Variants in CACNA1D observed in about 807,000 individuals in gnomAD.
CACNA1D encodes the protein voltage-dependent L-type calcium channel subunit alpha-1D.
Under a neutral mutation model 257.1 loss-of-function variants are expected in CACNA1D, and 55 were observed. The observed-to-expected ratio is 0.21, with a 90% CI of 0.17 to 0.27. The LOEUF is 0.27. Ranked by LOEUF, CACNA1D falls within the 10% of genes least tolerant of loss-of-function variation. CACNA1D has a pLI of 1.00. For missense variants in CACNA1D, 1,876 were observed against 2,784.0 expected, an observed-to-expected ratio of 0.67 and a Z score of 7.34; for synonymous variants, 980 against 1,014.9, an observed-to-expected ratio of 0.97 and a Z score of 0.65.
intron 40 of CACNA1D, among the ~76,000 whole-genome samples, chr3:53,799,034 A>G (rs2095522331): frequency 6.6e-6 from 1 of 152,118 alleles, no homozygotes; most frequent in Non-Finnish European, 1.5e-5. Flanking sequence ...TTCCTTTGCA[A>G]ACCACCCTGA....
At chr3:53,742,953 C>A in intron 21 of CACNA1D, 58 bp from the exon 22 acceptor site, 1 of 1,086,820 alleles carries the variant, frequency 9.2e-7, no homozygotes, top group Non-Finnish European at 1.4e-6. Flanking sequence ...GCAAAGAGCC[C>A]AGGTTTCTTT....
At chr3:53,505,115 G>A (rs142189310) in intron 3 of CACNA1D, among the ~76,000 whole-genome samples, 2 of 97,620 alleles carry the variant, frequency 2.0e-5, no homozygotes, top group African/African-American at 8.3e-5. Context: ...TTGTTTATTT[G>A]TTTTTTTTTT....
intron 3 of CACNA1D, among the ~76,000 whole-genome samples, chr3:53,586,274 T>TGC (rs1170253705): frequency 1.6e-5 from 2 of 128,920 alleles, no homozygotes; most frequent in Non-Finnish European, 3.3e-5. Context: ...CTTGCCTCTA[T>TGC]TCTGTGTGTG....
At chr3:53,675,919 C>A (rs2094371523) in intron 8 of CACNA1D, among the ~76,000 whole-genome samples, 1 of 152,230 alleles carries the variant, frequency 6.6e-6, no homozygotes, top group South Asian at 2.1e-4. Context: ...GACCTCCTCT[C>A]TACTCCCCCA....
intron 3 of CACNA1D, among the ~76,000 whole-genome samples, chr3:53,535,036 T>G (rs182756684): frequency 6.6e-6 from 1 of 152,298 alleles, no homozygotes; most frequent in African/African-American, 2.4e-5. Context: ...TTCCTCTCCG[T>G]AAACCCCAGT....
At chr3:53,519,269 T>C (rs2091461586) in intron 3 of CACNA1D, among the ~76,000 whole-genome samples, 1 of 152,238 alleles carries the variant, frequency 6.6e-6, no homozygotes, top group Admixed American at 6.5e-5. Flanking sequence ...ATTGCTTCAC[T>C]TGCCAGCAGG....
intron 8 of CACNA1D, among the ~76,000 whole-genome samples, chr3:53,695,409 C>G (rs1158986763): frequency 2.0e-5 from 3 of 152,170 alleles, no homozygotes. Flanking sequence ...GGCAGCCCTT[C>G]AGATACTGGG....
chr3:53,658,085 A>G (rs2094166061), intron 4 of CACNA1D, among the ~76,000 whole-genome samples: 1 of 152,192 alleles, frequency 6.6e-6, no homozygotes, highest in African/African-American at 2.4e-5. Context: ...TAGTCAGTTT[A>G]GACAGCTCCT....
chr3:53,704,044 A>G (rs550342553), intron 9 of CACNA1D, among the ~76,000 whole-genome samples: 2 of 152,302 alleles, frequency 1.3e-5, no homozygotes, highest in Admixed American at 6.5e-5. Context: ...GGAGGTGGAC[A>G]AAGGCCAGGT....
intron 42 of CACNA1D, 103 bp downstream of exon 42, chr3:53,801,528 G>T (rs148718872): frequency 6.8e-7 from 1 of 1,464,204 alleles, no homozygotes; most frequent in East Asian, 2.3e-5. Context: ...CTGGGGCATG[G>T]AGGAGGTTCC....
At chr3:53,569,547 G>C (rs1269249394) in intron 3 of CACNA1D, among the ~76,000 whole-genome samples, 3 of 152,208 alleles carry the variant, frequency 2.0e-5, no homozygotes, top group African/African-American at 7.2e-5. Flanking sequence ...GGAGATTCTA[G>C]TAATTCGCTG....
At chr3:53,698,916 G>A (rs2094596678) in intron 8 of CACNA1D, among the ~76,000 whole-genome samples, 1 of 151,742 alleles carries the variant, frequency 6.6e-6, no homozygotes, top group Admixed American at 6.6e-5. Context: ...ACAGTTGTTG[G>A]ATTTTTAGTC....
chr3:53,565,896 A>C (rs911068206), intron 3 of CACNA1D, among the ~76,000 whole-genome samples: 6 of 152,188 alleles, frequency 3.9e-5, no homozygotes, highest in Non-Finnish European at 7.3e-5. Flanking sequence ...TGCTCCCCAA[A>C]TGTGATATCA....
chr3:53,725,523 C>T (rs115789321), intron 14 of CACNA1D, among the ~76,000 whole-genome samples: 234 of 152,258 alleles, frequency 1.5e-3, no homozygotes, highest in Non-Finnish European at 2.6e-3. Context: ...TGTTGACACA[C>T]GTGCCCAAGT....
chr3:53,810,772 AAAAAAAAAAAAAAAC>A (rs1367669214), intron 47 of CACNA1D, among the ~76,000 whole-genome samples: 9 of 148,770 alleles, frequency 6.0e-5, no homozygotes, highest in African/African-American at 2.3e-4. Flanking sequence ...AAAAAAAAAA[AAAAAAAAAAAAAAAC>A]AAAAACTGGT....
At chr3:53,560,024 A>G (rs1025484096) in intron 3 of CACNA1D, among the ~76,000 whole-genome samples, 1 of 151,414 alleles carries the variant, frequency 6.6e-6, no homozygotes, top group Non-Finnish European at 1.5e-5. Context: ...GAAAAAAACA[A>G]AGCAATACAG....
rs60025539 is a variant in CACNA1D at position 53,600,517 on chromosome 3, A to C, written c.484-50262A>C. 8.3e-3 allele frequency among the ~76,000 whole-genome samples: 1,262 copies of C among 152,354 alleles called. 17 individuals carry two copies. The highest frequency in any genetic ancestry group is 0.028 in the African/African-American group (1,164 of 41,584). On this transcript the variant is annotated intron_variant, in intron 3 of 47. Transcript: ENST00000350061. Reference sequence around the variant, plus strand: ...GAACAGACAGGGAAACTGAGATACCAAAAGTAATGTGCCCAAAGACGTGCA... The same window carrying C: ...GAACAGACAGGGAAACTGAGATACCCAAAGTAATGTGCCCAAAGACGTGCA...
intron 3 of CACNA1D, among the ~76,000 whole-genome samples, chr3:53,575,666 C>T (rs2093024831): frequency 6.6e-6 from 1 of 152,084 alleles, no homozygotes. Flanking sequence ...AGCAGTGTCC[C>T]TTCATGCGGT....
intron 3 of CACNA1D, among the ~76,000 whole-genome samples, chr3:53,505,379 A>G (rs1441424317): frequency 1.3e-5 from 2 of 151,968 alleles, no homozygotes; most frequent in Non-Finnish European, 2.9e-5. Flanking sequence ...AAAGTGCTGG[A>G]ATTACAGGCT....
Sources: allele counts gnomAD v4.1 joint callset (sites outside exome capture counted in the v4.1 genomes callset), GRCh38; gene constraint gnomAD v4.1.1; transcripts MANE v1.5; gene names NCBI Gene and HGNC (gene_info 2026-07-23, HGNC 2026-07-21).